The following CSPG4 variants were observed in gnomAD, a reference collection of about 807,000 sequenced individuals.
CSPG4 encodes chondroitin sulfate proteoglycan 4, also known as chondroitin sulfate proteoglycan 4 (melanoma-associated).
In CSPG4, 74 loss-of-function variants were observed where a neutral mutation model predicts 139.3. The observed-to-expected ratio is 0.53, with a 90% confidence interval of 0.44 to 0.64. The LOEUF (loss-of-function observed/expected upper bound fraction) is 0.64, where lower values mean the gene tolerates loss of function less well. CSPG4 is among the 30% of genes least tolerant of loss of function. The pLI, the probability that CSPG4 is intolerant of heterozygous loss-of-function variation, is 0.00. For missense variants in CSPG4, 2,565 were observed against 3,148.3 expected (o/e 0.81, Z 4.43); for synonymous variants, 1,234 against 1,394.2 (o/e 0.89, Z 2.56).
In CSPG4 at chr15:75,690,681, A is replaced by G; in HGVS notation, c.384T>C (p.Phe128=). The G allele has an allele frequency of 6.2e-7, 1 of 1,612,896 alleles. No individual in the cohort carries two copies. The change falls in exon 3 of 10, where the codon TTT becomes TTC. Residue 128 remains phenylalanine (F), a synonymous_variant. Coordinates refer to ENST00000308508, the MANE Select transcript of CSPG4 (RefSeq NM_001897.5). ...CTGGGACTGCTGAGGAGGCGTTCAG[A>G]AACCCATCGACTGACAACGTGGCCC... The part of the protein sequence containing the change: ...EGWATLSVDG[F]LNASSAVPGA...
At chr15:75,686,789 G>C (rs566094020) in intron 3 of CSPG4, among the ~76,000 whole-genome samples, 54 of 152,328 alleles carry the variant, frequency 3.5e-4, no homozygotes, top group African/African-American at 1.3e-3. Flanking sequence ...GAGCCTGCTG[G>C]AGGGCCCGTG....
Position 75,682,409 on chromosome 15 carries a change from C to G in CSPG4, c.4834G>C (p.Gly1612Arg). 1 of 1,595,214 alleles carries G rather than the reference C, an allele frequency of 6.3e-7. No homozygotes were observed. The highest frequency in any genetic ancestry group is 8.5e-7 in the Non-Finnish European group (1 of 1,178,812). The change falls in exon 8 of 10, where the codon GGC becomes CGC. Residue 1612 changes from glycine to arginine, a missense_variant. This residue lies in a region of CSPG4 where 2,316 missense variants were observed against 2,818.2 expected (regional missense o/e 0.82). Transcript: ENST00000308508. Reference sequence around the variant, plus strand: ...TAGAGCAGGAGCTGGGGGTCAGTGCCTGCGCTGGAGCTGGCCCTGAGGGTC... The same window carrying G: ...TAGAGCAGGAGCTGGGGGTCAGTGCGTGCGCTGGAGCTGGCCCTGAGGGTC... ...SQTLRASSSA[G>R]TDPQLLLYRV...
At chr15:75,683,798 C>T (rs568533042) in intron 5 of CSPG4, among the ~76,000 whole-genome samples, 6 of 152,260 alleles carry the variant, frequency 3.9e-5, no homozygotes, top group East Asian at 1.9e-4. Context: ...CTTCCTCCCC[C>T]GGCCCCAGGG....
chr15:75,700,632 C>T (rs111604594), intron 1 of CSPG4, among the ~76,000 whole-genome samples: 2 of 152,266 alleles, frequency 1.3e-5, no homozygotes, highest in African/African-American at 4.8e-5. Context: ...GGGCCAGGCT[C>T]TCTCCTGGGC....
chr15:75,690,511 G>C lies in CSPG4; in HGVS notation c.554C>G (p.Thr185Ser). 1 of 1,609,762 alleles carries C rather than the reference G, an allele frequency of 6.2e-7. No homozygotes were observed. Among genetic ancestry groups the C allele is most frequent in the South Asian group, 1.1e-5 (1 of 90,898 alleles). ...LNGRSLLRPL[T>S]PDVHEGCAEE... ...AGCACAGCCCTCATGCACATCGGGG[G>C]TCAGAGGCCGGAGGAGGCTGCGGCC... Residue 185 changes from threonine to serine, a missense_variant, in exon 3 of 10, where the codon ACC (threonine) becomes AGC (serine). Transcript: ENST00000308508.
Position 75,677,818 on chromosome 15 carries a change from G to A in CSPG4, c.5019C>T (p.Thr1673=). ...GCGGCGAGGACAGCTGGAGCTCTAG[G>A]GTATCATGGGCCTCCCAAAAGGGCT... The part of the protein sequence containing the change: ...PPEPFWEAHD[T]LELQLSSPPA... The change falls in exon 9 of 10, where the codon ACC becomes ACT. Residue 1673 remains threonine, a synonymous_variant. Transcript: ENST00000308508. The A allele has an allele frequency of 1.9e-6, 3 of 1,612,706 alleles. No individual in the cohort carries two copies. The highest frequency in any genetic ancestry group is 2.5e-6 in the Non-Finnish European group (3 of 1,179,360).
At chr15:75,690,887 C>T (rs749811285) in intron 2 of CSPG4, 75 bp from the exon 3 acceptor site, 63 of 1,487,472 alleles carry the variant, frequency 4.2e-5, no homozygotes, top group Middle Eastern at 3.8e-4. Flanking sequence ...AGCATAGAGC[C>T]GGGCGTGATT....
At chr15:75,694,585 C>G (rs975101767) in intron 1 of CSPG4, among the ~76,000 whole-genome samples, 1 of 152,230 alleles carries the variant, frequency 6.6e-6, no homozygotes, top group Non-Finnish European at 1.5e-5. Flanking sequence ...CAGCTTCAGC[C>G]GTTGGAGGAG....
Position 75,689,378 on chromosome 15 carries a change from T to C in CSPG4, c.1687A>G (p.Met563Val). 1.9e-6 allele frequency: 3 copies of C among 1,612,424 alleles called. No homozygotes were observed. The highest frequency in any genetic ancestry group is 2.5e-6 in the Non-Finnish European group (3 of 1,179,782). The change falls in exon 3 of 10, where the codon ATG becomes GTG. Residue 563 changes from methionine (M) to valine (V), a missense_variant. Physicochemically the swap from Met to Val is conservative, Grantham distance 21. This residue lies in a region of CSPG4 where 2,316 missense variants were observed against 2,818.2 expected (regional missense o/e 0.82). Transcript: ENST00000308508. ...TTCTGCGTGTGTTCCAGGATCACCA[T>C]GAGGCTGCCATGTGGGAAGATGATG... ...PHIIFPHGSL[M>V]VILEHTQKPL...
intron 1 of CSPG4, among the ~76,000 whole-genome samples, chr15:75,699,716 C>A (rs1218653646): frequency 6.6e-6 from 1 of 152,036 alleles, no homozygotes; most frequent in African/African-American, 2.4e-5. Context: ...AGGGCTGGGC[C>A]GGGGGAGGAG....
chr15:75,713,417 T>C (rs575053411), upstream of CSPG4, among the ~76,000 whole-genome samples: 190 of 152,322 alleles, frequency 1.2e-3, no homozygotes, highest in African/African-American at 4.1e-3. Flanking sequence ...GATGTCTGGA[T>C]TTCCTCGCAG....
At position 75,687,408 on chromosome 15, in the gene CSPG4, T is replaced by A; in HGVS notation, c.3657A>T (p.Pro1219=). 1 of 1,612,910 alleles carries A rather than the reference T, an allele frequency of 6.2e-7. No homozygotes were observed. The highest frequency in any genetic ancestry group is 8.5e-7 in the Non-Finnish European group (1 of 1,179,978). Residue 1219 remains proline, a synonymous_variant, in exon 3 of 10, where the codon CCA becomes CCT. Transcript: ENST00000308508. The surrounding 1 kb of genome is among the most constrained non-coding windows in gnomAD (Gnocchi z 5.4). ...CTTGTAGGGTGGCATCCGTGTGCAC[T>A]GGCCCTGCTTCCACGGAGAAGGCCA... ...DTMAFSVEAG[P]VHTDATLQVT...
At position 75,696,934 on chromosome 15, in the gene CSPG4, T is replaced by C. The variant is rs1395301079; in HGVS notation, c.89-3701A>G. 6.6e-6 allele frequency among the ~76,000 whole-genome samples: 1 copy of C among 152,190 alleles called. No individual in the cohort carries two copies. Among genetic ancestry groups the C allele is most frequent in the East Asian group, 1.9e-4 (1 of 5,188 alleles). ...GCATCTCCGGGCTCCCCGGAGGCAC[T>C]ACTAGGAGGAGTGTGGATGGGCCCC... On this transcript the variant is annotated intron_variant, in intron 1 of 9. Transcript: ENST00000308508. This position sits in a 1 kb window ranked among gnomAD's most constrained non-coding sequence, Gnocchi z 4.2.
In CSPG4 at chr15:75,677,845, G is replaced by A. The variant is rs368711128; in HGVS notation, c.4992C>T (p.Pro1664=). The change falls in exon 9 of 10, where the codon CCC becomes CCT. Residue 1664 remains proline, a synonymous_variant. Coordinates refer to ENST00000308508, the MANE Select transcript of CSPG4 (RefSeq NM_001897.5). ...GNILYEHEMP[P]EPFWEAHDTL... ...TATCATGGGCCTCCCAAAAGGGCTC[G>A]GGGGGCATCTCATGCTCATACAGAA... 1.2e-4 allele frequency: 187 copies of A among 1,612,130 alleles called. No individual in the cohort carries two copies. Among genetic ancestry groups the A allele is most frequent in the Non-Finnish European group, 1.4e-4 (164 of 1,179,182 alleles).
In CSPG4 at chr15:75,676,760, C is replaced by T. The variant is rs1177341499; in HGVS notation, c.5759G>A (p.Ser1920Asn). 1 of 1,555,190 alleles carries T rather than the reference C, an allele frequency of 6.4e-7. No individual in the cohort carries two copies. Among genetic ancestry groups the T allele is most frequent in the Non-Finnish European group, 8.7e-7 (1 of 1,148,322 alleles). Reference protein sequence around the residue: ...GSSVAGIFQLSMSDGASPPLP... With the variant: ...GSSVAGIFQLNMSDGASPPLP... The stretch of plus-strand genomic sequence containing the variant: ...GGGTGGGCTGGCCCCATCAGACATG[C>T]TCAGCTGGAAGATGCCTGCCACGCT... The change falls in exon 10 of 10, where the codon AGC becomes AAC. Residue 1920 changes from serine to asparagine, a missense_variant. Ser to Asn is a conservative substitution (Grantham distance 46). This residue lies in a region of CSPG4 where 2,316 missense variants were observed against 2,818.2 expected (regional missense o/e 0.82). Coordinates refer to ENST00000308508, the MANE Select transcript of CSPG4 (RefSeq NM_001897.5).
rs1402119508 is a variant in CSPG4 at position 75,677,904 on chromosome 15, G to A, written c.4951-18C>T. 23 of 1,583,720 alleles carry A rather than the reference G, an allele frequency of 1.5e-5. No homozygotes were observed. The highest frequency in any genetic ancestry group is 1.8e-5 in the Admixed American group (1 of 54,140). ...GCGTAGACCTAGGGGAGACACCATCGTGGGGTGAGAGGCAGGTCCAGCCTG... is the reference window on the plus strand; with the variant it reads ...GCGTAGACCTAGGGGAGACACCATCATGGGGTGAGAGGCAGGTCCAGCCTG... On this transcript the variant is annotated intron_variant, in intron 8 of 9. Coordinates refer to ENST00000308508, the MANE Select transcript of CSPG4 (RefSeq NM_001897.5).
chr15:75,694,436 A>C (rs1331943185), intron 1 of CSPG4, among the ~76,000 whole-genome samples: 3 of 152,188 alleles, frequency 2.0e-5, no homozygotes, highest in East Asian at 3.8e-4. Flanking sequence ...ACGGGTTAAA[A>C]ACGGTGATTC....
chr15:75,707,194 T>G (rs1001103993), intron 1 of CSPG4, among the ~76,000 whole-genome samples: 3 of 152,064 alleles, frequency 2.0e-5, no homozygotes, highest in African/African-American at 7.2e-5. Context: ...TGAGCTCAGG[T>G]GACCTGCCTG....
intron 1 of CSPG4, among the ~76,000 whole-genome samples, chr15:75,705,908 C>T (rs1177502304): frequency 3.3e-5 from 5 of 151,248 alleles, no homozygotes; most frequent in South Asian, 4.2e-4. Flanking sequence ...TGTCTGTGTG[C>T]GTGTGTGTGT....
Sources: gnomAD v4.1 joint callset for allele counts (sites outside exome capture counted in the v4.1 genomes callset) on GRCh38, gnomAD v4.1.1 for gene constraint, gnomAD v4.1.1 regional missense constraint, Gnocchi (gnomAD v3.1) non-coding constraint, MANE v1.5 for transcripts, NCBI Gene and HGNC (gene_info 2026-07-23, HGNC 2026-07-21) for gene names.